Variants in ANKRD28 observed in about 807,000 individuals in gnomAD.
ANKRD28 encodes ankyrin repeat domain 28, also known as serine/threonine-protein phosphatase 6 regulatory ankyrin repeat subunit A.
In ANKRD28, 44 loss-of-function variants were observed where a neutral mutation model predicts 126.5. The observed-to-expected ratio is 0.35, with a 90% CI of 0.27 to 0.45. The LOEUF is 0.45. Among genes scored for constraint, ANKRD28 ranks in the 20% least tolerant of loss-of-function variants. ANKRD28 has a pLI of 1.00. For synonymous variants in ANKRD28, 442 were observed against 468.5 expected, an observed-to-expected ratio of 0.94 and a Z score of 0.73; for missense variants, 1,110 against 1,316.6, an observed-to-expected ratio of 0.84 and a Z score of 2.43.
At chr3:15,772,749 C>T (rs757306174) in intron 2 of ANKRD28, among the ~76,000 whole-genome samples, 2 of 152,164 alleles carry the variant, frequency 1.3e-5, no homozygotes, top group Non-Finnish European at 2.9e-5. Context: ...TGCAGTGGCG[C>T]GATCTCGGCT....
At chr3:15,798,558 A>G (rs2060378105), upstream of ANKRD28, among the ~76,000 whole-genome samples, 1 of 152,130 alleles carries the variant, frequency 6.6e-6, no homozygotes, top group Non-Finnish European at 1.5e-5. Flanking sequence ...TATATAAATC[A>G]TTTGATTTTT....
At chr3:15,770,476 CA>C (rs2058945232) in intron 2 of ANKRD28, among the ~76,000 whole-genome samples, 1 of 151,510 alleles carries the variant, frequency 6.6e-6, no homozygotes, top group African/African-American at 2.4e-5. Context: ...CCAGTTTAGG[CA>C]AAATCGATTT....
chr3:15,811,208 A>G (rs924596143), intron 1 of ANKRD28, among the ~76,000 whole-genome samples: 2 of 152,224 alleles, frequency 1.3e-5, no homozygotes, highest in Admixed American at 6.5e-5. Flanking sequence ...TTGATCTTTA[A>G]AAGAATAAGA....
intron 2 of ANKRD28, among the ~76,000 whole-genome samples, chr3:15,774,012 T>C (rs1012227762): frequency 6.6e-6 from 1 of 152,106 alleles, no homozygotes; most frequent in African/African-American, 2.4e-5. Flanking sequence ...CCCACACAAA[T>C]ATGATTGATT....
In ANKRD28 at chr3:15,690,152, A is replaced by G. The variant is rs1300791346; in HGVS notation, c.1830T>C (p.Asn610=). Residue 610 remains asparagine, a synonymous_variant, in exon 18 of 28, where the codon AAT becomes AAC. Transcript: ENST00000683139. ...VQSLLDLDVR[N]SSGRTPLDLA... ...GATCTAGGGGTGTTCTTCCACTACT[A>G]TTTCTGACATCAAGATCTAACAAAG... 1.2e-6 allele frequency: 2 copies of G among 1,609,696 alleles called. No homozygotes were observed. The highest frequency in any genetic ancestry group is 3.4e-5 in the Admixed American group (2 of 59,514).
intron 2 of ANKRD28, among the ~76,000 whole-genome samples, chr3:15,776,712 C>T (rs1364717583): frequency 6.6e-6 from 1 of 152,128 alleles, no homozygotes; most frequent in African/African-American, 2.4e-5. Flanking sequence ...TGGTGACATT[C>T]ACATATTCAT....
intron 2 of ANKRD28, among the ~76,000 whole-genome samples, chr3:15,790,351 C>A (rs935848312): frequency 2.0e-5 from 3 of 151,984 alleles, no homozygotes; most frequent in African/African-American, 7.2e-5. Context: ...AAGAAAACTA[C>A]AGGCCAGTAT....
intron 2 of ANKRD28, among the ~76,000 whole-genome samples, chr3:15,770,502 G>C (rs2058946462): frequency 6.6e-6 from 1 of 151,942 alleles, no homozygotes; most frequent in Non-Finnish European, 1.5e-5. Flanking sequence ...GAAGGACACT[G>C]AAGCATCTAA....
At chr3:15,742,507 C>A (rs1413134734) in intron 4 of ANKRD28, among the ~76,000 whole-genome samples, 6 of 141,230 alleles carry the variant, frequency 4.2e-5, no homozygotes, top group African/African-American at 1.6e-4. Flanking sequence ...CTGGCAACCG[C>A]CCCATATGAG....
intron 6 of ANKRD28, chr3:15,732,421 A>G (rs1262831064): frequency 6.6e-6 from 1 of 152,350 alleles, no homozygotes; most frequent in Non-Finnish European, 1.5e-5. Context: ...CATGAGCTAA[A>G]TCCCAATCCC....
intron 6 of ANKRD28, among the ~76,000 whole-genome samples, chr3:15,734,288 C>A (rs1039252509): frequency 2.6e-5 from 4 of 152,082 alleles, no homozygotes; most frequent in African/African-American, 9.7e-5. Flanking sequence ...TTCTGTTAAT[C>A]TTTTATTTTT....
At chr3:15,722,883 A>G (rs924071353) in intron 7 of ANKRD28, among the ~76,000 whole-genome samples, 11 of 152,136 alleles carry the variant, frequency 7.2e-5, no homozygotes, top group African/African-American at 2.7e-4. Context: ...CTGGGAAGTT[A>G]AATTTCTATT....
At chr3:15,747,316 T>C (rs1428472308) in intron 4 of ANKRD28, among the ~76,000 whole-genome samples, 3 of 152,172 alleles carry the variant, frequency 2.0e-5, no homozygotes, top group Non-Finnish European at 4.4e-5. Flanking sequence ...TTCAGACTTT[T>C]TGATATAGGC....
chr3:15,709,575 A>T, intron 13 of ANKRD28, 93 bp downstream of exon 13: 2 of 826,450 alleles, frequency 2.4e-6, no homozygotes, highest in Non-Finnish European at 1.9e-6. Context: ...ACAAGATGCT[A>T]AATTGTTCAG....
chr3:15,855,341 C>G (rs1192114962), intron 1 of ANKRD28, among the ~76,000 whole-genome samples: 1 of 151,712 alleles, frequency 6.6e-6, no homozygotes, highest in Non-Finnish European at 1.5e-5. Context: ...TTTAAAAAAA[C>G]AAAACAAAAC....
intron 2 of ANKRD28, among the ~76,000 whole-genome samples, chr3:15,766,754 T>G (rs1334159467): frequency 6.6e-6 from 1 of 152,122 alleles, no homozygotes; most frequent in Non-Finnish European, 1.5e-5. Flanking sequence ...TACTTGACCT[T>G]AAAATAGTGG....
intron 11 of ANKRD28, among the ~76,000 whole-genome samples, chr3:15,711,734 T>G (rs1274031349): frequency 6.6e-6 from 1 of 152,030 alleles, no homozygotes; most frequent in Non-Finnish European, 1.5e-5. Flanking sequence ...TCTCCTAGGC[T>G]AGTGTGCAGT....
In ANKRD28 at chr3:15,696,220, C is replaced by T. The variant is rs1323129564; in HGVS notation, c.1573G>A (p.Asp525Asn). Residue 525 changes from aspartate to asparagine, a missense_variant, in exon 15 of 28, where the codon GAT becomes AAT. Physicochemically the swap from Asp to Asn is conservative, Grantham distance 23. Transcript: ENST00000683139. The stretch of plus-strand genomic sequence containing the variant: ...TTATCACGGATCCCTGGATTTGCAT[C>T]GTTTCTTAATAAGTATTCCAGGCAC... The part of the protein sequence containing the change: ...GKCLEYLLRN[D>N]ANPGIRDKQG... The T allele has an allele frequency of 1.9e-6, 3 of 1,586,452 alleles. No individual in the cohort carries two copies. The highest frequency in any genetic ancestry group is 1.1e-5 in the South Asian group (1 of 87,270).
At chr3:15,714,869 T>C (rs1410684053) in intron 8 of ANKRD28, among the ~76,000 whole-genome samples, 4 of 152,178 alleles carry the variant, frequency 2.6e-5, no homozygotes, top group Non-Finnish European at 5.9e-5. Flanking sequence ...AAAAATTCCA[T>C]GCTTACAATT....
Sources: allele counts gnomAD v4.1 joint callset (sites outside exome capture counted in the v4.1 genomes callset), GRCh38; gene constraint gnomAD v4.1.1; transcripts MANE v1.5; gene names NCBI Gene and HGNC (gene_info 2026-07-23, HGNC 2026-07-21).